Variants in DENND5A observed in about 807,000 individuals in gnomAD.
DENND5A encodes DENN domain-containing protein 5A.
DENND5A carries 64 observed loss-of-function variants against 140.3 expected under a neutral mutation model. The observed-to-expected ratio is 0.46, with a 90% confidence interval of 0.37 to 0.56. DENND5A has a LOEUF of 0.56. DENND5A is among the 20% of genes least tolerant of loss of function. DENND5A has a pLI of 0.00. For missense variants in DENND5A, 1,292 were observed against 1,593.8 expected (o/e 0.81, Z 3.22); for synonymous variants, 605 against 607.7 (o/e 1.00, Z 0.07).
intron 1 of DENND5A, among the ~76,000 whole-genome samples, chr11:9,220,876 A>T (rs1042609618): frequency 2.0e-5 from 3 of 150,636 alleles, no homozygotes; most frequent in African/African-American, 4.9e-5. Context: ...TTGGGCGACA[A>T]AGCGAGACTC....
chr11:9,150,032 T>A (rs1189550179), intron 15 of DENND5A, 49 bp downstream of exon 15: 1 of 1,571,912 alleles, frequency 6.4e-7, no homozygotes. Flanking sequence ...TCCAATCTCT[T>A]CCCTCCATTC....
intron 1 of DENND5A, among the ~76,000 whole-genome samples, chr11:9,230,131 G>A (rs1270481594): frequency 6.7e-6 from 1 of 149,566 alleles, no homozygotes; most frequent in Non-Finnish European, 1.5e-5. Context: ...GGATGGTCTC[G>A]ATCTCCTGAC....
chr11:9,241,349 G>A (rs994315179), intron 1 of DENND5A, among the ~76,000 whole-genome samples: 2 of 152,066 alleles, frequency 1.3e-5, no homozygotes, highest in South Asian at 2.1e-4. Flanking sequence ...ATGATTCAGC[G>A]GGTAAAGGGT....
At chr11:9,264,299 T>G (rs1852344024) in intron 1 of DENND5A, among the ~76,000 whole-genome samples, 1 of 152,108 alleles carries the variant, frequency 6.6e-6, no homozygotes, top group African/African-American at 2.4e-5. Context: ...GCTGCTACCC[T>G]TTTATTCACA....
chr11:9,152,278 G>T, intron 13 of DENND5A, 80 bp downstream of exon 13: 1 of 1,058,534 alleles, frequency 9.4e-7, no homozygotes, highest in Non-Finnish European at 1.5e-6. Context: ...ACCTGGAATA[G>T]TTTGCTTCAA....
intron 1 of DENND5A, among the ~76,000 whole-genome samples, chr11:9,258,072 C>T (rs1175833671): frequency 6.6e-6 from 1 of 152,048 alleles, no homozygotes; most frequent in Non-Finnish European, 1.5e-5. Flanking sequence ...GGATTACAAG[C>T]ATGAGCCACC....
chr11:9,213,317 C>T (rs2136224662), intron 1 of DENND5A, among the ~76,000 whole-genome samples: 1 of 151,910 alleles, frequency 6.6e-6, no homozygotes, highest in East Asian at 1.9e-4. Flanking sequence ...TATAGTTCTG[C>T]AAGATGTCAC....
intron 12 of DENND5A, among the ~76,000 whole-genome samples, chr11:9,158,390 A>C (rs556484384): frequency 6.6e-6 from 1 of 151,800 alleles, no homozygotes; most frequent in African/African-American, 2.4e-5. Context: ...ACAAAAAAAA[A>C]AAATAGCTGG....
intron 16 of DENND5A, 40 bp downstream of exon 16, chr11:9,146,990 C>T (rs1268074751): frequency 3.7e-6 from 6 of 1,610,916 alleles, no homozygotes; most frequent in Non-Finnish European, 8.5e-7. Flanking sequence ...TTCATAAAGA[C>T]TGCCTTGAGA....
chr11:9,252,056 T>C (rs1348584561), intron 1 of DENND5A, among the ~76,000 whole-genome samples: 1 of 149,452 alleles, frequency 6.7e-6, no homozygotes, highest in Non-Finnish European at 1.5e-5. Context: ...TCTCAGCACT[T>C]TGGGAGGCCG....
intron 1 of DENND5A, among the ~76,000 whole-genome samples, chr11:9,231,000 CAAAA>C (rs547260701): frequency 6.6e-6 from 1 of 151,410 alleles, no homozygotes; most frequent in Non-Finnish European, 1.5e-5. Flanking sequence ...AACAAACAAA[CAAAA>C]AAAACCCAAA....
chr11:9,220,264 C>A (rs889252605), intron 1 of DENND5A, among the ~76,000 whole-genome samples: 1 of 152,080 alleles, frequency 6.6e-6, no homozygotes, highest in Non-Finnish European at 1.5e-5. Flanking sequence ...AAAAATAATT[C>A]GGGCCAGGCA....
intron 4 of DENND5A, 148 bp from the exon 5 acceptor site, chr11:9,193,829 T>C: frequency 1.4e-6 from 1 of 700,240 alleles, no homozygotes; most frequent in Non-Finnish European, 2.3e-6. Flanking sequence ...TCAATGTGAT[T>C]CCCTTGAGGG....
At chr11:9,228,092 G>A (rs1362278809) in intron 1 of DENND5A, among the ~76,000 whole-genome samples, 5 of 108,790 alleles carry the variant, frequency 4.6e-5, no homozygotes, top group Non-Finnish European at 6.8e-5. Flanking sequence ...CAGCCTGGGC[G>A]ATAGCAAGAC....
chr11:9,176,745 G>A (rs1848556860), intron 8 of DENND5A: 1 of 354,220 alleles, frequency 2.8e-6, no homozygotes, highest in African/African-American at 2.2e-5. Context: ...TGCTAGGTTT[G>A]TGTGGCAAAT....
In DENND5A at chr11:9,144,979, C is replaced by CT; in HGVS notation, c.3122+15dup. 6.4e-7 allele frequency: 1 copy of CT among 1,560,010 alleles called. No homozygotes were observed. On this transcript the variant is annotated intron_variant, in intron 18 of 22. Transcript: ENST00000328194. ...ACACCTTGCCCCTCTACCTTACAGC[C>CT]TGAGGGTATACTTACTTGTAGGTAT...
chr11:9,238,359 G>GTATA (rs34584422), intron 1 of DENND5A, among the ~76,000 whole-genome samples: 56 of 150,174 alleles, frequency 3.7e-4, no homozygotes, highest in South Asian at 8.4e-4. Context: ...GTGTGTGTGT[G>GTATA]TATATATATA....
intron 4 of DENND5A, among the ~76,000 whole-genome samples, chr11:9,202,302 C>T (rs1849548607): frequency 6.6e-6 from 1 of 151,910 alleles, no homozygotes; most frequent in Non-Finnish European, 1.5e-5. Flanking sequence ...ACCAGAGAAA[C>T]TTTAATATAG....
chr11:9,231,506 G>A (rs963527063), intron 1 of DENND5A, among the ~76,000 whole-genome samples: 14 of 151,854 alleles, frequency 9.2e-5, no homozygotes, highest in South Asian at 8.3e-4. Context: ...ACCTGAGGTC[G>A]GGAGTTGGAG....
Sources: allele counts gnomAD v4.1 joint callset (sites outside exome capture counted in the v4.1 genomes callset), GRCh38; gene constraint gnomAD v4.1.1; transcripts MANE v1.5; gene names NCBI Gene and HGNC (gene_info 2026-07-23, HGNC 2026-07-21).